VAV3: variants seen among roughly 807,000 people sequenced by gnomAD.
VAV3 encodes the protein guanine nucleotide exchange factor VAV3.
Under a neutral mutation model 131.2 loss-of-function variants are expected in VAV3, and 94 were observed. That is an observed-to-expected ratio of 0.72 (90% confidence interval 0.61 to 0.85). The LOEUF (loss-of-function observed/expected upper bound fraction) is 0.85. Ranked by LOEUF, VAV3 falls within the 40% of genes least tolerant of loss-of-function variation. The pLI is 0.00. For synonymous variants in VAV3, 349 were observed against 342.0 expected, an observed-to-expected ratio of 1.02 and a Z score of -0.22; for missense variants, 939 against 1,002.7, an observed-to-expected ratio of 0.94 and a Z score of 0.86.
intron 1 of VAV3, among the ~76,000 whole-genome samples, chr1:107,957,632 GCAAA>G (rs781436802): frequency 1.9e-4 from 29 of 152,116 alleles, no homozygotes; most frequent in South Asian, 4.1e-4. Context: ...AGAGAAGCCA[GCAAA>G]CAAACAAACA....
intron 15 of VAV3, among the ~76,000 whole-genome samples, chr1:107,721,085 CA>C (rs1260039311): frequency 1.3e-5 from 2 of 152,042 alleles, no homozygotes; most frequent in Non-Finnish European, 2.9e-5. Context: ...AGTTAATGTC[CA>C]GAGTTCTAGG....
At chr1:107,785,324 A>T in intron 2 of VAV3, 2 of 885,438 alleles carry the variant, frequency 2.3e-6, no homozygotes, top group Non-Finnish European at 1.5e-6. Flanking sequence ...GTTGCTAATT[A>T]ATTATGGATT....
At position 107,573,212 on chromosome 1, in the gene VAV3, A is replaced by C; in HGVS notation, c.*119T>G. The C allele has an allele frequency of 9.2e-7, 1 of 1,082,334 alleles. No homozygotes were observed. Among genetic ancestry groups the C allele is most frequent in the Non-Finnish European group, 1.3e-6 (1 of 741,604 alleles). 67.0% of individuals were successfully genotyped at this position (1,082,334 alleles called of 1,614,324 possible). On this transcript the variant is annotated 3_prime_UTR_variant, in exon 27 of 27. Transcript: ENST00000370056. Reference sequence around the variant, plus strand: ...ACTTAGGAGGGGCTAAGGAGGGAGGATGTTGAACAGCCAGAAATGCAGCTT... The same window carrying C: ...ACTTAGGAGGGGCTAAGGAGGGAGGCTGTTGAACAGCCAGAAATGCAGCTT...
chr1:107,659,153 C>T (rs551451884), intron 19 of VAV3, among the ~76,000 whole-genome samples: 53 of 152,134 alleles, frequency 3.5e-4, no homozygotes, highest in African/African-American at 1.2e-3. Context: ...GATCCAGTTT[C>T]AGCTTTCTAC....
At chr1:107,888,520 G>T (rs1462963269) in intron 1 of VAV3, among the ~76,000 whole-genome samples, 2 of 152,142 alleles carry the variant, frequency 1.3e-5, no homozygotes, top group Admixed American at 1.3e-4. Context: ...GTACAATGGT[G>T]CAATCTAGGC....
chr1:107,821,087 T>A (rs767355333), intron 2 of VAV3, among the ~76,000 whole-genome samples: 5 of 152,194 alleles, frequency 3.3e-5, no homozygotes, highest in South Asian at 2.1e-4. Context: ...AGATTTACTA[T>A]AGAAGAAGAT....
chr1:107,879,477 G>A (rs1472926938), intron 1 of VAV3, among the ~76,000 whole-genome samples: 1 of 152,134 alleles, frequency 6.6e-6, no homozygotes, highest in Non-Finnish European at 1.5e-5. Flanking sequence ...AAAGAAAATT[G>A]AGATAACTGA....
rs144987897 is a variant in VAV3, at chr1:107,863,052, G to A, written c.321+11849C>T. Among the ~76,000 whole-genome samples, 25 of 152,158 alleles carry A rather than the reference G, an allele frequency of 1.6e-4. 1 individual carries two copies. In the East Asian group the frequency reaches 4.2e-3, roughly 26 times the overall value. ...ATAGAAAAATAAAACATATCTACTC[G>A]GTTGTAAAATATACATAAATTAAGG... On this transcript the variant is annotated intron_variant, in intron 2 of 26. Coordinates refer to ENST00000370056, the MANE Select transcript of VAV3 (RefSeq NM_006113.5).
At chr1:107,942,047 T>C (rs778670815) in intron 1 of VAV3, among the ~76,000 whole-genome samples, 1 of 152,064 alleles carries the variant, frequency 6.6e-6, no homozygotes, top group South Asian at 2.1e-4. Flanking sequence ...CCAAAAAACT[T>C]TGAGAATGTT....
intron 1 of VAV3, among the ~76,000 whole-genome samples, chr1:107,936,929 G>T (rs1673744678): frequency 6.6e-6 from 1 of 152,114 alleles, no homozygotes; most frequent in Non-Finnish European, 1.5e-5. Context: ...GGACATCTGA[G>T]AGGGCACCCC....
chr1:107,763,878 G>C (rs1228849226), intron 9 of VAV3, among the ~76,000 whole-genome samples: 3 of 150,502 alleles, frequency 2.0e-5, no homozygotes, highest in Non-Finnish European at 4.4e-5. Context: ...CCTGACCTCA[G>C]TGCTACACTG....
At chr1:107,660,881 A>G (rs1656961023) in intron 19 of VAV3, among the ~76,000 whole-genome samples, 2 of 152,196 alleles carry the variant, frequency 1.3e-5, no homozygotes, top group African/African-American at 2.4e-5. Context: ...CTACGGAAGC[A>G]CAAACCAAAA....
Position 107,760,897 on chromosome 1 carries a change from A to G in VAV3, c.922-18T>C. On this transcript the variant is annotated intron_variant, in intron 9 of 26. Coordinates refer to ENST00000370056, the MANE Select transcript of VAV3 (RefSeq NM_006113.5). ...GAACATTCCTAATGAAATGTTTTAA[A>G]AACACTTTGTTAGGGAGTCATAAAC... The G allele has an allele frequency of 6.3e-7, 1 of 1,593,024 alleles. No individual in the cohort carries two copies. The highest frequency in any genetic ancestry group is 8.6e-7 in the Non-Finnish European group (1 of 1,161,954).
At chr1:107,608,953 T>G (rs1041731053) in intron 22 of VAV3, among the ~76,000 whole-genome samples, 2 of 152,152 alleles carry the variant, frequency 1.3e-5, no homozygotes, top group Non-Finnish European at 2.9e-5. Context: ...AAACACAAAA[T>G]TCAGGAAAAC....
chr1:107,704,232 G>A (rs1378543484), intron 17 of VAV3, among the ~76,000 whole-genome samples: 1 of 151,852 alleles, frequency 6.6e-6, no homozygotes, highest in Non-Finnish European at 1.5e-5. Flanking sequence ...CTATTTTTTC[G>A]GCTATGTTTG....
intron 15 of VAV3, among the ~76,000 whole-genome samples, chr1:107,706,800 G>C (rs757140267): frequency 6.6e-6 from 1 of 152,098 alleles, no homozygotes. Flanking sequence ...CTGGCAACCC[G>C]AAAAATTCAT....
intron 22 of VAV3, among the ~76,000 whole-genome samples, chr1:107,604,644 G>A (rs542508627): frequency 5.9e-5 from 9 of 152,192 alleles, no homozygotes; most frequent in South Asian, 2.1e-4. Flanking sequence ...GGTCTTCTCT[G>A]ACCATACCAT....
chr1:107,736,154 A>G (rs886181801), intron 15 of VAV3, among the ~76,000 whole-genome samples: 5 of 152,234 alleles, frequency 3.3e-5, no homozygotes, highest in African/African-American at 4.8e-5. Flanking sequence ...ACAAAATTCA[A>G]CAGTCCTTCA....
intron 21 of VAV3, among the ~76,000 whole-genome samples, chr1:107,614,206 T>C (rs1027152212): frequency 1.3e-5 from 2 of 152,066 alleles, no homozygotes; most frequent in South Asian, 4.1e-4. Context: ...AGTTGCCATA[T>C]TGCTAGAAAT....
Sources: gnomAD v4.1 joint callset for allele counts (sites outside exome capture counted in the v4.1 genomes callset) on GRCh38, gnomAD v4.1.1 for gene constraint, MANE v1.5 for transcripts, NCBI Gene and HGNC (gene_info 2026-07-23, HGNC 2026-07-21) for gene names.